SEMA3A: variants seen among roughly 807,000 people sequenced by gnomAD.
SEMA3A encodes semaphorin 3A.
SEMA3A carries 29 observed loss-of-function variants against 97.9 expected under a neutral mutation model. The ratio of observed to expected loss-of-function variants is 0.30; its 90% CI spans 0.22 to 0.40. The LOEUF (loss-of-function observed/expected upper bound fraction) is 0.40, where lower values mean the gene tolerates loss of function less well. Among genes scored for constraint, SEMA3A ranks in the 10% least tolerant of loss-of-function variants. The pLI, the probability that SEMA3A is intolerant of heterozygous loss-of-function variation, is 1.00. For missense variants in SEMA3A, 763 were observed against 951.3 expected (o/e 0.80, Z 2.60); for synonymous variants, 321 against 323.7 (o/e 0.99, Z 0.09).
intron 2 of SEMA3A, among the ~76,000 whole-genome samples, chr7:84,324,335 T>C (rs2115922262): frequency 6.6e-6 from 1 of 152,308 alleles, no homozygotes; most frequent in Middle Eastern, 3.4e-3. Flanking sequence ...TCAGAACTGT[T>C]ACACAGAGAA....
At chr7:84,374,235 C>A (rs1803045511) in intron 1 of SEMA3A, among the ~76,000 whole-genome samples, 1 of 152,240 alleles carries the variant, frequency 6.6e-6, no homozygotes, top group East Asian at 1.9e-4. Flanking sequence ...TATCCTTTAC[C>A]CAACAATTCC....
At chr7:84,465,414 T>C (rs774935332) in intron 1 of SEMA3A, among the ~76,000 whole-genome samples, 1 of 152,170 alleles carries the variant, frequency 6.6e-6, no homozygotes, top group Non-Finnish European at 1.5e-5. Context: ...CTGAGGTTAC[T>C]TTTAGATACA....
intron 4 of SEMA3A, among the ~76,000 whole-genome samples, chr7:84,095,358 C>CACACATATATATATATATATATATAT (rs1211794166): frequency 2.4e-5 from 3 of 122,884 alleles, no homozygotes; most frequent in East Asian, 2.2e-4. Context: ...TTTTTATATA[C>CACACATATATATATATATATATATAT]ATATATATAT....
At chr7:84,328,029 G>A (rs553057025) in intron 2 of SEMA3A, among the ~76,000 whole-genome samples, 34 of 151,972 alleles carry the variant, frequency 2.2e-4, no homozygotes, top group African/African-American at 7.0e-4. Context: ...TTACGATTTC[G>A]AGTTTATGAA....
At chr7:84,172,651 C>A (rs1646989076) in intron 1 of SEMA3A, among the ~76,000 whole-genome samples, 1 of 152,258 alleles carries the variant, frequency 6.6e-6, no homozygotes, top group South Asian at 2.1e-4. Flanking sequence ...TGGTCTCGAT[C>A]TCCTGACCTA....
intron 1 of SEMA3A, among the ~76,000 whole-genome samples, chr7:84,141,602 C>T (rs1796292536): frequency 1.3e-5 from 2 of 152,064 alleles, no homozygotes; most frequent in Non-Finnish European, 1.5e-5. Flanking sequence ...CAGATTATTT[C>T]ATCACCCACG....
chr7:84,331,251 G>A (rs993690709), intron 2 of SEMA3A, among the ~76,000 whole-genome samples: 2 of 152,046 alleles, frequency 1.3e-5, no homozygotes, highest in African/African-American at 4.8e-5. Context: ...TTTGCCAGGG[G>A]TATTTGGAAG....
chr7:84,075,064 A>G (rs1793888164), intron 4 of SEMA3A, among the ~76,000 whole-genome samples: 1 of 152,136 alleles, frequency 6.6e-6, no homozygotes, highest in East Asian at 1.9e-4. Flanking sequence ...ACTAGAATCT[A>G]AAATAGAAGG....
chr7:84,370,612 C>T (rs1311503743), intron 2 of SEMA3A, among the ~76,000 whole-genome samples: 1 of 151,624 alleles, frequency 6.6e-6, no homozygotes, highest in Non-Finnish European at 1.5e-5. Flanking sequence ...GTCTCAAAGC[C>T]ATGCCAATTT....
At chr7:84,062,897 C>G (rs1454303797) in intron 4 of SEMA3A, among the ~76,000 whole-genome samples, 41 of 151,860 alleles carry the variant, frequency 2.7e-4, no homozygotes, top group African/African-American at 9.0e-4. Context: ...CCTGGAAGCT[C>G]CAACTGGGTG....
At chr7:84,146,844 A>G (rs1470546781) in intron 1 of SEMA3A, among the ~76,000 whole-genome samples, 1 of 152,208 alleles carries the variant, frequency 6.6e-6, no homozygotes, top group Non-Finnish European at 1.5e-5. Context: ...ATTATTTATG[A>G]GACTCCTCTA....
At chr7:84,082,192 G>A (rs1421339887) in intron 4 of SEMA3A, among the ~76,000 whole-genome samples, 1 of 152,172 alleles carries the variant, frequency 6.6e-6, no homozygotes, top group African/African-American at 2.4e-5. Context: ...TCATCCTAGT[G>A]ATATTGACAT....
At chr7:84,033,454 A>C (rs1791830272) in intron 6 of SEMA3A, among the ~76,000 whole-genome samples, 1 of 152,184 alleles carries the variant, frequency 6.6e-6, no homozygotes, top group Non-Finnish European at 1.5e-5. Context: ...CAAAGAACAC[A>C]CTTAGCCTAT....
intron 6 of SEMA3A, among the ~76,000 whole-genome samples, chr7:84,039,883 G>A (rs1157529472): frequency 6.6e-6 from 1 of 151,858 alleles, no homozygotes; most frequent in Non-Finnish European, 1.5e-5. Context: ...TATCTAAATT[G>A]ATATTTGTAA....
chr7:83,997,000 A>C (rs1790249859), intron 12 of SEMA3A, among the ~76,000 whole-genome samples: 1 of 152,202 alleles, frequency 6.6e-6, no homozygotes, highest in South Asian at 2.1e-4. Flanking sequence ...AACTGAAACC[A>C]CTGGAATGTG....
At chr7:84,290,371 G>A (rs1800710068) in intron 3 of SEMA3A, among the ~76,000 whole-genome samples, 1 of 151,962 alleles carries the variant, frequency 6.6e-6, no homozygotes, top group Non-Finnish European at 1.5e-5. Context: ...CCCTTGAAGA[G>A]GGTTATCTTT....
chr7:84,419,205 G>C (rs1213476786), intron 1 of SEMA3A, among the ~76,000 whole-genome samples: 1 of 152,090 alleles, frequency 6.6e-6, no homozygotes, highest in Non-Finnish European at 1.5e-5. Context: ...CAATTATTTA[G>C]ATGTAGTCTA....
intron 1 of SEMA3A, among the ~76,000 whole-genome samples, chr7:84,412,757 C>A (rs947131590): frequency 6.6e-6 from 1 of 152,148 alleles, no homozygotes; most frequent in African/African-American, 2.4e-5. Context: ...TCCATGATTT[C>A]TTCCATTTTA....
intron 3 of SEMA3A, among the ~76,000 whole-genome samples, chr7:84,279,145 A>T (rs933246598): frequency 6.6e-6 from 1 of 152,190 alleles, no homozygotes; most frequent in Non-Finnish European, 1.5e-5. Flanking sequence ...ATATGTATTT[A>T]GTTTCAAAGT....
Sources: allele counts gnomAD v4.1 joint callset (sites outside exome capture counted in the v4.1 genomes callset), GRCh38; gene constraint gnomAD v4.1.1; transcripts MANE v1.5; gene names NCBI Gene and HGNC (gene_info 2026-07-23, HGNC 2026-07-21).